VPS13B: variants seen among roughly 807,000 people sequenced by gnomAD.
VPS13B encodes the protein intermembrane lipid transfer protein VPS13B.
A neutral mutation model predicts 426.4 loss-of-function variants in VPS13B; 285 were observed. That is an observed-to-expected ratio of 0.67 (90% CI 0.61 to 0.74). The LOEUF (loss-of-function observed/expected upper bound fraction) is 0.74. Ranked by LOEUF, VPS13B falls within the 30% of genes least tolerant of loss-of-function variation. The probability of loss-of-function intolerance (pLI) is 0.00; values close to 1 mark genes in which losing one functional copy is unlikely to be tolerated. For missense variants in VPS13B, 4,537 were observed against 4,782.6 expected, an observed-to-expected ratio of 0.95 and a Z score of 1.51; for synonymous variants, 1,676 against 1,676.4, an observed-to-expected ratio of 1.00 and a Z score of 0.01.
chr8:99,270,131 C>CTTTTTGTTTTTTTTTTTTTTT (rs1818503628), intron 17 of VPS13B, among the ~76,000 whole-genome samples: 1 of 30,312 alleles, frequency 3.3e-5, no homozygotes, highest in African/African-American at 1.1e-4. Context: ...ATATAAGAAT[C>CTTTTTGTTTTTTTTTTTTTTT]TTTTTTTTTT....
chr8:99,151,669 G>T (rs1369592525), intron 14 of VPS13B, among the ~76,000 whole-genome samples: 2 of 151,980 alleles, frequency 1.3e-5, no homozygotes, highest in African/African-American at 4.8e-5. Flanking sequence ...GAGTATCTGG[G>T]ATTACAAGCA....
intron 31 of VPS13B, among the ~76,000 whole-genome samples, chr8:99,558,010 A>G (rs1824683651): frequency 6.6e-6 from 1 of 152,130 alleles, no homozygotes; most frequent in South Asian, 2.1e-4. Context: ...AATTTCTTGA[A>G]AACATCTTCT....
chr8:99,139,042 A>C (rs1392537993), intron 12 of VPS13B, among the ~76,000 whole-genome samples: 1 of 152,244 alleles, frequency 6.6e-6, no homozygotes, highest in Non-Finnish European at 1.5e-5. Context: ...TTTCACTTCC[A>C]TGAATACTAT....
intron 51 of VPS13B, among the ~76,000 whole-genome samples, chr8:99,829,482 G>C (rs551849933): frequency 6.6e-6 from 1 of 152,244 alleles, no homozygotes; most frequent in Non-Finnish European, 1.5e-5. Flanking sequence ...GGTTATCCTA[G>C]TTAGCAATTC....
chr8:99,485,473 G>C (rs1820253694), intron 25 of VPS13B, among the ~76,000 whole-genome samples: 1 of 152,154 alleles, frequency 6.6e-6, no homozygotes, highest in African/African-American at 2.4e-5. Flanking sequence ...CTGAGACATG[G>C]ATTACCTTGG....
intron 17 of VPS13B, among the ~76,000 whole-genome samples, chr8:99,243,805 C>G (rs982405124): frequency 1.3e-5 from 2 of 152,228 alleles, no homozygotes; most frequent in African/African-American, 4.8e-5. Context: ...TAGTTCTCAG[C>G]TCATGCCCAG....
chr8:99,370,310 G>A (rs1200813365), intron 19 of VPS13B, among the ~76,000 whole-genome samples: 2 of 152,142 alleles, frequency 1.3e-5, no homozygotes, highest in Non-Finnish European at 2.9e-5. Flanking sequence ...ATTTGATAGG[G>A]TGTTAAGAGA....
chr8:99,079,439 G>A (rs566032702), intron 3 of VPS13B, among the ~76,000 whole-genome samples: 1 of 152,276 alleles, frequency 6.6e-6, no homozygotes, highest in African/African-American at 2.4e-5. Context: ...GGTGGATGTG[G>A]ACAGAGCAGG....
intron 21 of VPS13B, among the ~76,000 whole-genome samples, chr8:99,412,814 A>G (rs1815761106): frequency 6.6e-6 from 1 of 152,112 alleles, no homozygotes; most frequent in Non-Finnish European, 1.5e-5. Flanking sequence ...CCTTTGCTGC[A>G]CCTATTGAGA....
At position 99,832,643 on chromosome 8, in the gene VPS13B, T is replaced by G. The variant is rs1320220468; in HGVS notation, c.9605T>G (p.Phe3202Cys). 1 of 1,613,694 alleles carries G rather than the reference T, an allele frequency of 6.2e-7. No individual in the cohort carries two copies. Among genetic ancestry groups the G allele is most frequent in the Non-Finnish European group, 8.5e-7 (1 of 1,180,010 alleles). Residue 3202 changes from phenylalanine (F) to cysteine (C), a missense_variant, in exon 52 of 62, where the codon TTC becomes TGC. By Grantham distance (205) the Phe-to-Cys change is radical. Coordinates refer to ENST00000357162, the MANE Select transcript of VPS13B (RefSeq NM_152564.5). ...CTCGGGAATTTCCGGGAAAATGGAT[T>G]CTGTACCAGGTATTTTATGTTTATA... ...VPLGNFRENG[F>C]CTRAIVLTYQ...
At chr8:99,038,213 C>A (rs183657770) in intron 2 of VPS13B, among the ~76,000 whole-genome samples, 26 of 152,106 alleles carry the variant, frequency 1.7e-4, no homozygotes, top group African/African-American at 6.0e-4. Flanking sequence ...TTTTGATAAA[C>A]AGTAATTCTG....
At chr8:99,102,316 G>C (rs1846797673) in intron 4 of VPS13B, among the ~76,000 whole-genome samples, 1 of 151,704 alleles carries the variant, frequency 6.6e-6, no homozygotes, top group Non-Finnish European at 1.5e-5. Context: ...CTTCATGGTA[G>C]TATTTTAAAA....
chr8:99,819,393 T>C lies in VPS13B; in HGVS notation c.8622-19T>C. ...TAGAAATCTGATAATTATTCTTGGT[T>C]TTTATTTCAATTTCCTAGAGAAGAA... is the stretch of plus-strand genomic sequence containing the variant. On this transcript the variant is annotated intron_variant, in intron 47 of 61. Coordinates refer to ENST00000357162, the MANE Select transcript of VPS13B (RefSeq NM_152564.5). 1 of 1,613,118 alleles carries C rather than the reference T, an allele frequency of 6.2e-7. No individual in the cohort carries two copies. The highest frequency in any genetic ancestry group is 1.1e-5 in the South Asian group (1 of 91,040).
intron 16 of VPS13B, among the ~76,000 whole-genome samples, chr8:99,186,007 G>A (rs1481441167): frequency 1.3e-5 from 2 of 152,084 alleles, no homozygotes; most frequent in Non-Finnish European, 2.9e-5. Flanking sequence ...GTTTGTCCAA[G>A]TTGAGTTTTA....
At chr8:99,492,110 C>A (rs1801490990) in intron 25 of VPS13B, among the ~76,000 whole-genome samples, 1 of 152,152 alleles carries the variant, frequency 6.6e-6, no homozygotes, top group African/African-American at 2.4e-5. Context: ...TTCCTTCCAG[C>A]AGTCAGGCTC....
chr8:99,267,244 A>C (rs1818354812), intron 17 of VPS13B, among the ~76,000 whole-genome samples: 1 of 152,124 alleles, frequency 6.6e-6, no homozygotes, highest in Admixed American at 6.5e-5. Context: ...GGAACTGGAG[A>C]AAAGTTAACT....
chr8:99,125,789 ATT>A (rs1409337315), intron 8 of VPS13B, among the ~76,000 whole-genome samples: 4 of 152,188 alleles, frequency 2.6e-5, no homozygotes, highest in Non-Finnish European at 5.9e-5. Context: ...TATTATGTAT[ATT>A]TTATGCAAAA....
At chr8:99,789,939 T>C (rs956730129) in intron 43 of VPS13B, among the ~76,000 whole-genome samples, 1 of 152,068 alleles carries the variant, frequency 6.6e-6, no homozygotes, top group African/African-American at 2.4e-5. Flanking sequence ...TTTTGTCACA[T>C]TTTTATGTAC....
At chr8:99,178,872 T>C (rs1447966790) in intron 16 of VPS13B, among the ~76,000 whole-genome samples, 1 of 152,114 alleles carries the variant, frequency 6.6e-6, no homozygotes, top group Admixed American at 6.6e-5. Flanking sequence ...GCCACCCGCC[T>C]CGGCCTCCCA....
Sources: allele counts gnomAD v4.1 joint callset (sites outside exome capture counted in the v4.1 genomes callset), GRCh38; gene constraint gnomAD v4.1.1; transcripts MANE v1.5; gene names NCBI Gene and HGNC (gene_info 2026-07-23, HGNC 2026-07-21).